ATP13A4: variants seen among roughly 807,000 people sequenced by gnomAD.
ATP13A4 encodes the protein ATPase 13A4.
In ATP13A4, 114 loss-of-function variants were observed where a neutral mutation model predicts 142.5. That is an observed-to-expected ratio of 0.80 (90% confidence interval 0.69 to 0.93). The LOEUF (loss-of-function observed/expected upper bound fraction) is 0.93, where lower values mean the gene tolerates loss of function less well. ATP13A4 is among the 40% of genes least tolerant of loss of function. ATP13A4 has a pLI of 0.00. For missense variants in ATP13A4, 1,392 were observed against 1,454.0 expected (o/e 0.96, Z 0.69); for synonymous variants, 488 against 514.8 (o/e 0.95, Z 0.70).
chr3:193,551,251 A>C (rs2108728537), intron 1 of ATP13A4, among the ~76,000 whole-genome samples: 1 of 152,238 alleles, frequency 6.6e-6, no homozygotes, highest in South Asian at 2.1e-4. Flanking sequence ...ATCTCTTCTA[A>C]AAATACAAAA....
At chr3:193,505,540 A>G (rs1400987683) in intron 2 of ATP13A4, among the ~76,000 whole-genome samples, 1 of 152,164 alleles carries the variant, frequency 6.6e-6, no homozygotes, top group Non-Finnish European at 1.5e-5. Flanking sequence ...CCCAATCCCA[A>G]TACTCATAAT....
At chr3:193,418,200 C>G (rs561681677) in intron 25 of ATP13A4, among the ~76,000 whole-genome samples, 1 of 138,326 alleles carries the variant, frequency 7.2e-6, no homozygotes, top group East Asian at 2.3e-4. Context: ...ACCTGTAGTC[C>G]CAGCTACTCA....
intron 2 of ATP13A4, among the ~76,000 whole-genome samples, chr3:193,573,699 AC>A (rs1429669586): frequency 6.6e-6 from 1 of 152,178 alleles, no homozygotes; most frequent in Non-Finnish European, 1.5e-5. Context: ...AGTCACACTT[AC>A]CAAATCTCTC....
At chr3:193,514,623 C>G (rs574833203) in intron 2 of ATP13A4, 75 bp downstream of exon 2, 19 of 1,579,804 alleles carry the variant, frequency 1.2e-5, no homozygotes, top group Non-Finnish European at 1.5e-5. Context: ...GTGCACATCT[C>G]CCCCCAGCCA....
At position 193,473,540 on chromosome 3, in the gene ATP13A4, G is replaced by A. The variant is rs368343864; in HGVS notation, c.809-2547C>T. ...GATGGTTTATTTATATCATCTCAAA[G>A]TATCTCTCAACAAAATAACCATTAA... On this transcript the variant is annotated intron_variant, in intron 8 of 29. Transcript: ENST00000342695. Among the ~76,000 whole-genome samples the A allele has an allele frequency of 6.7e-4, 102 of 152,218 alleles. 1 individual carries two copies. The highest frequency in any genetic ancestry group is 2.3e-3 in the African/African-American group (94 of 41,552).
intron 17 of ATP13A4, among the ~76,000 whole-genome samples, chr3:193,449,121 CTTT>C (rs1717126756): frequency 6.6e-6 from 1 of 152,200 alleles, no homozygotes; most frequent in Non-Finnish European, 1.5e-5. Context: ...TCATCCCTTT[CTTT>C]CTCCACCAGC....
At position 193,489,759 on chromosome 3, in the gene ATP13A4, T is replaced by A. The variant is rs772325265; in HGVS notation, c.709A>T (p.Ile237Leu). ...CTGAGATCATATACTGTCAAAGATA[T>A]GGAAATTATGGACATGATTATGATG... is the stretch of plus-strand genomic sequence containing the variant. Reference protein sequence around the residue: ...FAIIIMSIISISLTVYDLREQ... With the variant: ...FAIIIMSIISLSLTVYDLREQ... The change falls in exon 7 of 30, where the codon ATA (isoleucine) becomes TTA (leucine). Residue 237 changes from isoleucine to leucine, a missense_variant. By Grantham distance (5) the Ile-to-Leu change is conservative. Transcript: ENST00000342695. 10 of 1,610,562 alleles carry A rather than the reference T, an allele frequency of 6.2e-6. No individual in the cohort carries two copies. Among genetic ancestry groups the A allele is most frequent in the Middle Eastern group, 1.6e-4 (1 of 6,078 alleles).
intron 1 of ATP13A4, among the ~76,000 whole-genome samples, chr3:193,515,937 AACCTCTTT>A (rs1300808939): frequency 1.2e-4 from 19 of 152,328 alleles, no homozygotes; most frequent in African/African-American, 4.6e-4. Flanking sequence ...TACATTATTT[AACCTCTTT>A]ATTCCTCAGT....
chr3:193,549,865 T>C (rs1723446855), intron 1 of ATP13A4, among the ~76,000 whole-genome samples: 2 of 152,218 alleles, frequency 1.3e-5, no homozygotes, highest in Non-Finnish European at 2.9e-5. Context: ...TTTCTAAGTA[T>C]ATGTATATTT....
intron 1 of ATP13A4, chr3:193,554,321 C>T (rs1397821795): frequency 3.9e-6 from 1 of 259,014 alleles, no homozygotes; most frequent in East Asian, 9.8e-5. Flanking sequence ...CCCAGCTGCA[C>T]TTCTGCTTCA....
chr3:193,483,960 T>TA lies in ATP13A4; in HGVS notation c.783dup (p.Thr262TyrfsTer37), dbSNP rs1719456163. The TA allele has an allele frequency of 6.2e-7, 1 of 1,608,486 alleles. No individual in the cohort carries two copies. The highest frequency in any genetic ancestry group is 8.5e-7 in the Non-Finnish European group (1 of 1,175,000). Reference sequence around the variant, plus strand: ...CCTTTTCTCCCACATACAGAGACCGTAATGCTATTATGTGACTCGACGAGA... The same window carrying TA: ...CCTTTTCTCCCACATACAGAGACCGTAAATGCTATTATGTGACTCGACGAGA... On this transcript the variant is annotated frameshift_variant, in exon 8 of 30. Coordinates refer to ENST00000342695, the MANE Select transcript of ATP13A4 (RefSeq NM_032279.4). LOFTEE classifies it high-confidence loss of function.
chr3:193,568,376 C>T (rs546909681), intron 2 of ATP13A4, among the ~76,000 whole-genome samples: 9 of 152,292 alleles, frequency 5.9e-5, no homozygotes, highest in Admixed American at 4.6e-4. Context: ...AAGCTTTCAT[C>T]TAATTGCAGT....
At chr3:193,442,330 G>A (rs1392713801) in intron 19 of ATP13A4, 63 bp downstream of exon 19, 9 of 1,534,224 alleles carry the variant, frequency 5.9e-6, no homozygotes, top group Non-Finnish European at 8.1e-6. Context: ...GGTCAAAGCT[G>A]CTCAGTCACC....
At chr3:193,492,890 T>G (rs1720019944) in intron 5 of ATP13A4, 27 bp downstream of exon 5, 2 of 1,527,198 alleles carry the variant, frequency 1.3e-6, no homozygotes, top group East Asian at 4.5e-5. Flanking sequence ...CCTTTTGAGC[T>G]AGTATAGGCA....
At chr3:193,557,393 G>A (rs886360207), upstream of ATP13A4, among the ~76,000 whole-genome samples, 1 of 152,116 alleles carries the variant, frequency 6.6e-6, no homozygotes, top group African/African-American at 2.4e-5. Context: ...AGTGATTTTG[G>A]TCTACAAACA....
At chr3:193,425,304 G>T (rs1019213635) in intron 25 of ATP13A4, among the ~76,000 whole-genome samples, 2 of 151,596 alleles carry the variant, frequency 1.3e-5, no homozygotes, top group African/African-American at 4.8e-5. Context: ...TAGCATGGAG[G>T]TTCCCTTAAA....
intron 2 of ATP13A4, among the ~76,000 whole-genome samples, chr3:193,510,750 G>T (rs1326593611): frequency 6.6e-6 from 1 of 151,966 alleles, no homozygotes; most frequent in African/African-American, 2.4e-5. Context: ...AGAAATGACT[G>T]CCTAATCAGT....
rs1714299144 is a variant in ATP13A4, at chr3:193,402,509, C to G, written c.*143G>C. On this transcript the variant is annotated 3_prime_UTR_variant, in exon 30 of 30. Transcript: ENST00000342695. Reference sequence around the variant, plus strand: ...TCTCTGTAGACAGTATTTTATCAAACAGACTTTAGTTTGTCACCATGATTT... The same window carrying G: ...TCTCTGTAGACAGTATTTTATCAAAGAGACTTTAGTTTGTCACCATGATTT... 1.2e-5 allele frequency: 8 copies of G among 644,508 alleles called. No homozygotes were observed. In the South Asian group the frequency reaches 1.5e-4, roughly 12 times the overall value. The allele number at this position is 644,508 out of a possible 1,614,324, so 39.9% of individuals were successfully genotyped here.
At chr3:193,440,400 A>T in intron 21 of ATP13A4, 158 bp downstream of exon 21, 1 of 1,347,024 alleles carries the variant, frequency 7.4e-7, no homozygotes, top group Non-Finnish European at 1.0e-6. Flanking sequence ...ATCCCTTGGT[A>T]CTGCTATTTT....
Sources: allele counts gnomAD v4.1 joint callset (sites outside exome capture counted in the v4.1 genomes callset), GRCh38; gene constraint gnomAD v4.1.1; transcripts MANE v1.5; gene names NCBI Gene and HGNC (gene_info 2026-07-23, HGNC 2026-07-21).